The following USH2A variants were observed in gnomAD, a reference collection of about 807,000 sequenced individuals.
The protein encoded by USH2A is usherin.
In USH2A, 443 loss-of-function variants were observed where a neutral mutation model predicts 538.9. That is an observed-to-expected ratio of 0.82 (90% CI 0.76 to 0.89). The LOEUF is 0.89. Ranked by LOEUF, USH2A falls within the 40% of genes least tolerant of loss-of-function variation. The pLI is 0.00. For synonymous variants in USH2A, 2,413 were observed against 2,273.5 expected, an observed-to-expected ratio of 1.06 and a Z score of -1.75; for missense variants, 6,633 against 6,324.8, an observed-to-expected ratio of 1.05 and a Z score of -1.65.
At chr1:215,694,763 G>A (rs1260914629) in intron 61 of USH2A, among the ~76,000 whole-genome samples, 1 of 152,182 alleles carries the variant, frequency 6.6e-6, no homozygotes, top group Non-Finnish European at 1.5e-5. Context: ...CACATTGAGG[G>A]TTAGGATTTC....
chr1:215,993,994 T>C (rs1302911820), intron 34 of USH2A, among the ~76,000 whole-genome samples: 2 of 152,260 alleles, frequency 1.3e-5, no homozygotes, highest in East Asian at 1.9e-4. Flanking sequence ...ATAAATACAT[T>C]AAGGGGTTTT....
chr1:215,836,265 A>C (rs1663477712), intron 47 of USH2A, among the ~76,000 whole-genome samples: 1 of 150,802 alleles, frequency 6.6e-6, no homozygotes, highest in African/African-American at 2.4e-5. Flanking sequence ...GCCTTCACTG[A>C]TAATTCTGGG....
At chr1:216,246,455 T>G in intron 13 of USH2A, 130 bp downstream of exon 13, 1 of 1,118,310 alleles carries the variant, frequency 8.9e-7, no homozygotes, top group Non-Finnish European at 1.3e-6. Flanking sequence ...TGTTGGATAA[T>G]GATATAAATA....
At chr1:216,086,353 G>C (rs2032134243) in intron 24 of USH2A, among the ~76,000 whole-genome samples, 2 of 152,172 alleles carry the variant, frequency 1.3e-5, no homozygotes, top group South Asian at 2.1e-4. Context: ...ACCCTATTTA[G>C]AGTATAAATC....
intron 30 of USH2A, among the ~76,000 whole-genome samples, chr1:216,049,294 G>A (rs535398180): frequency 6.6e-5 from 10 of 152,230 alleles, no homozygotes; most frequent in African/African-American, 2.2e-4. Context: ...TGTCTTAAAC[G>A]GAAGTGTTAC....
chr1:216,347,330 A>T (rs1236272366), intron 4 of USH2A, among the ~76,000 whole-genome samples: 1 of 152,056 alleles, frequency 6.6e-6, no homozygotes, highest in South Asian at 2.1e-4. Flanking sequence ...AATATTTTTG[A>T]GTTATTATTT....
chr1:215,938,083 T>C (rs1481570448), intron 37 of USH2A, among the ~76,000 whole-genome samples: 2 of 152,110 alleles, frequency 1.3e-5, no homozygotes, highest in Non-Finnish European at 1.5e-5. Context: ...AGAACAATGA[T>C]TACTCAGTAA....
intron 45 of USH2A, 93 bp downstream of exon 45, chr1:215,845,731 T>C: frequency 7.1e-7 from 1 of 1,411,154 alleles, no homozygotes; most frequent in Non-Finnish European, 9.9e-7. Context: ...CCGGAAATTT[T>C]ATAATGGAGG....
Position 215,832,005 on chromosome 1 carries a change from A to G in USH2A, c.9371+5986T>C, listed in dbSNP as rs867120153. Among the ~76,000 whole-genome samples the G allele has an allele frequency of 2.6e-5, 4 of 152,056 alleles. No homozygotes were observed. The South Asian group carries it at 8.3e-4, about 31-fold the overall frequency. On this transcript the variant is annotated intron_variant, in intron 47 of 71. Coordinates refer to ENST00000307340, the MANE Select transcript of USH2A (RefSeq NM_206933.4). ...ACAAATTGTTGTTTGTAGTACAAAC[A>G]TACTACAAACAACTTCCTGCTAATA...
intron 9 of USH2A, among the ~76,000 whole-genome samples, chr1:216,292,723 C>T (rs116310667): frequency 6.1e-4 from 93 of 152,140 alleles, no homozygotes; most frequent in South Asian, 1.5e-3. Flanking sequence ...CGACATCTAT[C>T]CCCTCAAGTG....
At chr1:215,973,971 A>C (rs199791586) in intron 35 of USH2A, among the ~76,000 whole-genome samples, 8 of 72,458 alleles carry the variant, frequency 1.1e-4, no homozygotes, top group African/African-American at 2.0e-4. Context: ...CACACACACA[A>C]ACACAGAGTT....
intron 38 of USH2A, among the ~76,000 whole-genome samples, chr1:215,909,794 T>C (rs1309617674): frequency 6.6e-6 from 1 of 151,930 alleles, no homozygotes; most frequent in Non-Finnish European, 1.5e-5. Flanking sequence ...AGAAGCCTCA[T>C]TGACGTGAGT....
At chr1:215,906,803 G>A (rs1006503714) in intron 38 of USH2A, among the ~76,000 whole-genome samples, 1 of 152,024 alleles carries the variant, frequency 6.6e-6, no homozygotes, top group Non-Finnish European at 1.5e-5. Flanking sequence ...CTTCATGTTA[G>A]CGAGAGAAAG....
chr1:216,256,748 CTA>C (rs2036267031), intron 11 of USH2A, among the ~76,000 whole-genome samples: 1 of 151,906 alleles, frequency 6.6e-6, no homozygotes, highest in African/African-American at 2.4e-5. Flanking sequence ...TCTCTTTTCT[CTA>C]GATTACTTTA....
At chr1:216,057,143 T>C (rs1332760024) in intron 30 of USH2A, among the ~76,000 whole-genome samples, 2 of 152,182 alleles carry the variant, frequency 1.3e-5, no homozygotes, top group Non-Finnish European at 2.9e-5. Context: ...AAACTTTTTT[T>C]TTTAAAAAAC....
chr1:215,696,982 T>A (rs948724986), intron 61 of USH2A, among the ~76,000 whole-genome samples: 1 of 152,140 alleles, frequency 6.6e-6, no homozygotes, highest in African/African-American at 2.4e-5. Context: ...AGACAGGGTC[T>A]TACTTTGACA....
intron 47 of USH2A, among the ~76,000 whole-genome samples, chr1:215,829,777 C>A (rs1158099251): frequency 2.0e-5 from 3 of 152,116 alleles, no homozygotes; most frequent in Non-Finnish European, 4.4e-5. Flanking sequence ...TACTCTGCTA[C>A]TATGGATCAT....
intron 46 of USH2A, among the ~76,000 whole-genome samples, chr1:215,840,726 G>A (rs1439514468): frequency 6.6e-6 from 1 of 152,178 alleles, no homozygotes; most frequent in African/African-American, 2.4e-5. Flanking sequence ...CTTCTAGGTT[G>A]TGTGTTTCGA....
intron 43 of USH2A, among the ~76,000 whole-genome samples, chr1:215,869,917 C>G (rs1664578109): frequency 6.6e-6 from 1 of 152,144 alleles, no homozygotes; most frequent in African/African-American, 2.4e-5. Flanking sequence ...TTTACGTCTA[C>G]AAAACTCAGG....
Sources: allele counts gnomAD v4.1 joint callset (sites outside exome capture counted in the v4.1 genomes callset), GRCh38; gene constraint gnomAD v4.1.1; transcripts MANE v1.5; gene names NCBI Gene and HGNC (gene_info 2026-07-23, HGNC 2026-07-21).